Variants in KLK8 observed in about 807,000 individuals in gnomAD.
KLK8 encodes kallikrein related peptidase 8.
In KLK8, 18 loss-of-function variants were observed where a neutral mutation model predicts 26.7. The ratio of observed to expected loss-of-function variants is 0.67; its 90% CI spans 0.47 to 1.00. The LOEUF is 1.00. KLK8 is among the 50% of genes least tolerant of loss of function. The pLI is 0.00. For synonymous variants in KLK8, 137 were observed against 127.1 expected (o/e 1.08, Z -0.52); for missense variants, 301 against 331.7 (o/e 0.91, Z 0.72).
chr19:50,999,961 C>T, intron 5 of KLK8, 35 bp downstream of exon 4: 1 of 1,560,568 alleles, frequency 6.4e-7, no homozygotes, highest in Non-Finnish European at 8.7e-7. Flanking sequence ...CAACCAGCTC[C>T]TCCTCTCCCT....
At chr19:51,000,709 C>T in intron 3 of KLK8, 126 bp from the exon 3 acceptor site, 1 of 1,536,752 alleles carries the variant, frequency 6.5e-7, no homozygotes, top group Non-Finnish European at 8.8e-7. Context: ...GAGGTCCAGG[C>T]TTCCACACGC....
chr19:51,001,404 G>C lies in KLK8; in HGVS notation c.-9+128C>G, dbSNP rs373914019. ...TGGGAGCTGGGACTCCTAAATTAGG[G>C]AGAGGAGGAAGCCGGGGTCCAGACT... On this transcript the variant is annotated intron_variant, in intron 2 of 6. Coordinates refer to ENST00000600767, the Ensembl canonical transcript of KLK8. The C allele has an allele frequency of 1.3e-5, 7 of 542,598 alleles. No homozygotes were observed. In the East Asian group the frequency reaches 2.1e-4, roughly 17 times the overall value. 33.6% of individuals were successfully genotyped at this position (542,598 alleles called of 1,614,324 possible).
In KLK8 at chr19:51,000,804, A is replaced by C. The variant is rs2091217169; in HGVS notation, c.71-221T>G. On this transcript the variant is annotated intron_variant, in intron 3 of 6. Coordinates refer to ENST00000600767, the Ensembl canonical transcript of KLK8. ...GAATGCCCCCACATGCTTCCACATGAGTCTACAGGCCCCGAGTACTCCCAG... is the reference window on the plus strand; with the variant it reads ...GAATGCCCCCACATGCTTCCACATGCGTCTACAGGCCCCGAGTACTCCCAG... 1.1e-5 allele frequency: 15 copies of C among 1,357,066 alleles called. 1 individual carries two copies. In the South Asian group the frequency reaches 2.2e-4, roughly 20 times the overall value. 84.1% of individuals were successfully genotyped at this position (1,357,066 alleles called of 1,614,324 possible).
chr19:50,998,577 G>A (rs2091190959), intron 5 of KLK8, among the ~76,000 whole-genome samples: 1 of 152,066 alleles, frequency 6.6e-6, no homozygotes, highest in Admixed American at 6.6e-5. Context: ...CCTCTTTTGA[G>A]GAATAGACTT....
At chr19:51,001,219 C>G (rs752430366) in intron 2 of KLK8, 44 bp from the exon 2 acceptor site, 50 of 1,548,846 alleles carry the variant, frequency 3.2e-5, no homozygotes, top group Middle Eastern at 1.7e-4. Flanking sequence ...GAAGGAGGAG[C>G]CTGAGCTCCC....
At chr19:50,997,577 G>A (rs1302626996) in intron 6 of KLK8, among the ~76,000 whole-genome samples, 174 bp downstream of exon 5, 1 of 151,670 alleles carries the variant, frequency 6.6e-6, no homozygotes, top group Non-Finnish European at 1.5e-5. Flanking sequence ...GTGACTTTCA[G>A]AGAGAGAGTT....
In KLK8 at chr19:50,996,221, A is replaced by G. The variant is rs768267339; in HGVS notation, c.628-7T>C. 2 of 1,612,954 alleles carry G rather than the reference A, an allele frequency of 1.2e-6. No individual in the cohort carries two copies. Among genetic ancestry groups the G allele is most frequent in the Admixed American group, 3.3e-5 (2 of 59,950 alleles). On this transcript the variant is annotated splice_polypyrimidine_tract_variant and splice_region_variant and intron_variant, in intron 6 of 6. Coordinates refer to ENST00000600767, the Ensembl canonical transcript of KLK8. ...GGGGGCCTCCAGAATCGCCCTAGACAGGGAGAATGAGAACAGCCTTGCATC... is the reference window on the plus strand; with the variant it reads ...GGGGGCCTCCAGAATCGCCCTAGACGGGGAGAATGAGAACAGCCTTGCATC...
At chr19:50,996,731 CA>C (rs113362363) in intron 6 of KLK8, among the ~76,000 whole-genome samples, 3,942 of 96,880 alleles carry the variant, frequency 0.041, 110 homozygotes, top group Non-Finnish European at 0.052. Flanking sequence ...GACCCTGTCT[CA>C]AAAAAAAAAA....
chr19:50,996,719 G>A (rs1161628797), intron 6 of KLK8, among the ~76,000 whole-genome samples: 2 of 121,134 alleles, frequency 1.7e-5, no homozygotes, highest in African/African-American at 3.4e-5. Context: ...GGGACAGAGC[G>A]AGACCCTGTC....
chr19:50,999,888 C>T, intron 5 of KLK8, 108 bp downstream of exon 4: 2 of 1,183,500 alleles, frequency 1.7e-6, no homozygotes, highest in Non-Finnish European at 2.3e-6. Flanking sequence ...ATCATGATCA[C>T]TTTCCCTTCT....
At position 50,996,133 on chromosome 19, in the gene KLK8, C is replaced by A. The variant is rs144236055; in HGVS notation, c.709G>T (p.Asp237Tyr). The change falls in exon 7 of 7, where the codon GAC (aspartate) becomes TAC (tyrosine). Residue 237 changes from aspartate to tyrosine, a missense_variant. Physicochemically the swap from Asp to Tyr is radical, Grantham distance 160. Transcript: ENST00000600767. ...ATGTTGGTATAGACGCCAGGTTTGT[C>A]GGACCTCCCACAGGGGTCTGAGCCC... 55 of 1,614,082 alleles carry A rather than the reference C, an allele frequency of 3.4e-5. No individual in the cohort carries two copies. The highest frequency in any genetic ancestry group is 4.5e-5 in the Non-Finnish European group (53 of 1,180,034).
At chr19:51,000,531 G>C (rs754166819) in exon 4 of KLK8, 3 of 1,613,964 alleles carry the variant, frequency 1.9e-6, no homozygotes, top group Non-Finnish European at 2.5e-6. Context: ...GCTGCGAATG[G>C]GGTTGGCACT....
At chr19:51,000,970 C>T (rs2091218908) in intron 3 of KLK8, 128 bp downstream of exon 2, 12 of 931,652 alleles carry the variant, frequency 1.3e-5, no homozygotes, top group Non-Finnish European at 1.8e-5. Context: ...GAGGCTCCTG[C>T]ACCGTATCGC....
intron 6 of KLK8, among the ~76,000 whole-genome samples, chr19:50,996,731 CAA>C (rs113362363): frequency 3.7e-4 from 36 of 96,876 alleles, no homozygotes; most frequent in Non-Finnish European, 2.2e-4. Flanking sequence ...GACCCTGTCT[CAA>C]AAAAAAAAAA....
chr19:50,996,728 T>C (rs1348496599), intron 6 of KLK8, among the ~76,000 whole-genome samples: 5 of 49,746 alleles, frequency 1.0e-4, no homozygotes, highest in Admixed American at 2.2e-4. Context: ...CGAGACCCTG[T>C]CTCAAAAAAA....
intron 5 of KLK8, 26 bp from the exon 5 acceptor site, chr19:50,997,910 C>A (rs767733558): frequency 2.5e-6 from 4 of 1,612,964 alleles, no homozygotes; most frequent in Non-Finnish European, 3.4e-6. Flanking sequence ...TTGTAAGGTT[C>A]CCTGAGAGAG....
chr19:50,997,679 C>A, intron 6 of KLK8, 72 bp downstream of exon 5: 1 of 1,571,148 alleles, frequency 6.4e-7, no homozygotes. Flanking sequence ...CCACCCCCAC[C>A]CCCATCCAAG....
chr19:50,996,319 T>G, intron 6 of KLK8, 105 bp from the exon 6 acceptor site: 1 of 1,239,868 alleles, frequency 8.1e-7, no homozygotes, highest in South Asian at 1.4e-5. Flanking sequence ...TGGTCCCCTG[T>G]AGCCAATGGG....
At position 51,000,587 on chromosome 19, in the gene KLK8, C is replaced by T. The variant is rs747855391; in HGVS notation, c.71-4G>A. On this transcript the variant is annotated splice_region_variant and splice_polypyrimidine_tract_variant and intron_variant, in intron 3 of 6. Transcript: ENST00000600767. ...TCCTCCTGTGCCCTGGAGTGTCCTG[C>T]AGCAGGAGGGAGAGGGTTGGATCGC... 1 of 1,613,764 alleles carries T rather than the reference C, an allele frequency of 6.2e-7. No individual in the cohort carries two copies. The highest frequency in any genetic ancestry group is 8.5e-7 in the Non-Finnish European group (1 of 1,179,762).
Sources: gnomAD v4.1 joint callset for allele counts (sites outside exome capture counted in the v4.1 genomes callset) on GRCh38, gnomAD v4.1.1 for gene constraint, MANE v1.5 for transcripts, NCBI Gene and HGNC (gene_info 2026-07-23, HGNC 2026-07-21) for gene names.